ZDHHC21: variants seen among roughly 807,000 people sequenced by gnomAD.
ZDHHC21 encodes the protein palmitoyltransferase ZDHHC21.
A neutral mutation model predicts 34.6 loss-of-function variants in ZDHHC21; 15 were observed. That is an observed-to-expected ratio of 0.43 (90% CI 0.29 to 0.67). ZDHHC21 has a LOEUF of 0.67. ZDHHC21 is among the 30% of genes least tolerant of loss of function. ZDHHC21 has a pLI of 0.14. For missense variants in ZDHHC21, 344 were observed against 327.7 expected (o/e 1.05, Z -0.38); for synonymous variants, 142 against 101.8 (o/e 1.40, Z -2.38).
At chr9:14,653,104 G>T (rs1831532527) in intron 7 of ZDHHC21, among the ~76,000 whole-genome samples, 1 of 150,588 alleles carries the variant, frequency 6.6e-6, no homozygotes, top group Admixed American at 6.6e-5. Flanking sequence ...AATATCCAAA[G>T]ATAGTTAGGG....
chr9:14,687,880 T>A (rs1205229080), intron 2 of ZDHHC21, among the ~76,000 whole-genome samples: 1 of 150,914 alleles, frequency 6.6e-6, no homozygotes, highest in Non-Finnish European at 1.5e-5. Flanking sequence ...GAGAAAATGC[T>A]TATTAGATGA....
chr9:14,593,390 G>A, the ZDHHC21 span, among the ~76,000 whole-genome samples: 3 of 152,140 alleles, frequency 2.0e-5, no homozygotes, highest in African/African-American at 4.8e-5. Flanking sequence ...ATTAGATAAC[G>A]TGAATAAAAG....
chr9:14,668,544 G>A (rs576260319), intron 5 of ZDHHC21, among the ~76,000 whole-genome samples: 5 of 148,106 alleles, frequency 3.4e-5, no homozygotes, highest in Non-Finnish European at 7.4e-5. Context: ...GCATTGCCAA[G>A]TCAATCCTAA....
chr9:14,666,021 A>C (rs971613023), intron 5 of ZDHHC21, among the ~76,000 whole-genome samples: 1 of 150,130 alleles, frequency 6.7e-6, no homozygotes, highest in South Asian at 2.1e-4. Context: ...ATATAAATGG[A>C]CTAAATTCTC....
intron 7 of ZDHHC21, among the ~76,000 whole-genome samples, chr9:14,652,857 A>C (rs1302361669): frequency 6.6e-6 from 1 of 152,056 alleles, no homozygotes; most frequent in Non-Finnish European, 1.5e-5. Context: ...AGAAAAGAAA[A>C]ACAAGAAAGT....
chr9:14,601,025 A>T, the ZDHHC21 span, among the ~76,000 whole-genome samples: 2 of 152,174 alleles, frequency 1.3e-5, no homozygotes, highest in Non-Finnish European at 2.9e-5. Context: ...GACTTACTGT[A>T]AGACCTAAAA....
chr9:14,641,167 T>A (rs1182554574), intron 7 of ZDHHC21, among the ~76,000 whole-genome samples: 1 of 152,126 alleles, frequency 6.6e-6, no homozygotes, highest in Non-Finnish European at 1.5e-5. Context: ...GAACTGATAC[T>A]TTTCTGTGTG....
At chr9:14,672,731 G>T in intron 5 of ZDHHC21, 99 bp downstream of exon 5, 1 of 771,196 alleles carries the variant, frequency 1.3e-6, no homozygotes, top group South Asian at 2.7e-5. Flanking sequence ...AGTGGTGTTA[G>T]ATGACATTTA....
chr9:14,608,171 T>C (rs1282087435), downstream of ZDHHC21, among the ~76,000 whole-genome samples: 1 of 152,132 alleles, frequency 6.6e-6, no homozygotes, highest in Admixed American at 6.5e-5. Flanking sequence ...CTTACACAAG[T>C]TATAAAACAA....
chr9:14,590,176 G>A, the ZDHHC21 span: 1 of 152,190 alleles, frequency 6.6e-6, no homozygotes, highest in East Asian at 1.9e-4. Context: ...TTAGCAGCAG[G>A]GTTAGCAGCA....
intron 2 of ZDHHC21, among the ~76,000 whole-genome samples, chr9:14,681,253 C>G (rs1837318538): frequency 6.6e-6 from 1 of 152,100 alleles, no homozygotes; most frequent in East Asian, 1.9e-4. Flanking sequence ...CAGACTCGGT[C>G]TCACTATGTT....
At chr9:14,606,567 C>G (rs997318483), downstream of ZDHHC21, among the ~76,000 whole-genome samples, 6 of 152,134 alleles carry the variant, frequency 3.9e-5, no homozygotes, top group Non-Finnish European at 4.4e-5. Context: ...CCATGGAAGA[C>G]AGAAAAGCTG....
rs139928080 is a variant in ZDHHC21, at chr9:14,655,200, G to C, written c.504+3549C>G. ...AAATGATGGAAACCATAAGACAATG[G>C]AATAACATCTTTTAAAAACTGAACG... On this transcript the variant is annotated intron_variant, in intron 7 of 9. Coordinates refer to ENST00000380916, the MANE Select transcript of ZDHHC21 (RefSeq NM_178566.6). Among the ~76,000 whole-genome samples the C allele has an allele frequency of 7.2e-5, 11 of 152,056 alleles. 1 individual carries two copies. The East Asian group carries it at 1.9e-3, about 27-fold the overall frequency.
chr9:14,597,771 C>T, the ZDHHC21 span, among the ~76,000 whole-genome samples: 1 of 152,160 alleles, frequency 6.6e-6, no homozygotes, highest in African/African-American at 2.4e-5. Flanking sequence ...CAACACGAGC[C>T]CTGACAACAG....
chr9:14,608,535 A>G (rs1446730704), downstream of ZDHHC21, among the ~76,000 whole-genome samples: 1 of 152,114 alleles, frequency 6.6e-6, no homozygotes, highest in African/African-American at 2.4e-5. Flanking sequence ...ATTGTGTTTG[A>G]TCTTTAAACA....
chr9:14,600,036 C>A, the ZDHHC21 span, among the ~76,000 whole-genome samples: 1 of 152,078 alleles, frequency 6.6e-6, no homozygotes, highest in South Asian at 2.1e-4. Context: ...ATGACAAAAC[C>A]ACAGCCAATA....
At chr9:14,677,370 T>A (rs1445357779) in intron 3 of ZDHHC21, 1 of 151,968 alleles carries the variant, frequency 6.6e-6, no homozygotes, top group Admixed American at 6.6e-5. Flanking sequence ...ATCTTCCAAG[T>A]GCTCCAAATC....
intron 7 of ZDHHC21, among the ~76,000 whole-genome samples, chr9:14,649,352 A>G (rs1830819746): frequency 6.6e-6 from 1 of 152,124 alleles, no homozygotes; most frequent in African/African-American, 2.4e-5. Flanking sequence ...TAACTAAATA[A>G]CCAACTTCAC....
chr9:14,592,729 A>G, the ZDHHC21 span, among the ~76,000 whole-genome samples: 1 of 152,160 alleles, frequency 6.6e-6, no homozygotes, highest in African/African-American at 2.4e-5. Context: ...CTTCTCAAGC[A>G]CATATGAAAA....
Sources: allele counts gnomAD v4.1 joint callset (sites outside exome capture counted in the v4.1 genomes callset), GRCh38; gene constraint gnomAD v4.1.1; transcripts MANE v1.5; gene names NCBI Gene and HGNC (gene_info 2026-07-23, HGNC 2026-07-21).